The following CSMD1 variants were observed in gnomAD, a reference collection of about 807,000 sequenced individuals.
The protein encoded by CSMD1 is CUB and Sushi multiple domains 1, also known as CUB and sushi domain-containing protein 1.
CSMD1 carries 213 observed loss-of-function variants against 417.5 expected under a neutral mutation model. The observed-to-expected ratio is 0.51, with a 90% CI of 0.46 to 0.57. The LOEUF (loss-of-function observed/expected upper bound fraction) is 0.57. CSMD1 is among the 20% of genes least tolerant of loss of function. CSMD1 has a pLI of 0.00. For missense variants in CSMD1, 6,923 were observed against 4,529.7 expected, an observed-to-expected ratio of 1.53 and a Z score of -15.17; for synonymous variants, 2,862 against 1,736.8, an observed-to-expected ratio of 1.65 and a Z score of -16.11.
chr8:3,408,953 C>T (rs189050671), intron 13 of CSMD1, among the ~76,000 whole-genome samples: 14 of 152,210 alleles, frequency 9.2e-5, no homozygotes, highest in Admixed American at 2.6e-4. Context: ...GACTGTGAAG[C>T]CTTTTCTACT....
intron 2 of CSMD1, among the ~76,000 whole-genome samples, chr8:4,455,605 A>G (rs1384454354): frequency 6.6e-6 from 1 of 152,024 alleles, no homozygotes. Context: ...TTTTTAAATC[A>G]TCTTATTTTC....
At chr8:3,832,644 C>G (rs562670082) in intron 5 of CSMD1, among the ~76,000 whole-genome samples, 1 of 152,070 alleles carries the variant, frequency 6.6e-6, no homozygotes, top group South Asian at 2.1e-4. Flanking sequence ...ATTTCAAGTA[C>G]TTACAACGAA....
chr8:4,926,833 C>G (rs555596622), intron 1 of CSMD1, among the ~76,000 whole-genome samples: 4 of 152,178 alleles, frequency 2.6e-5, no homozygotes, highest in African/African-American at 9.6e-5. Flanking sequence ...CCTAGAACTC[C>G]TCCCTAAATA....
At chr8:3,786,775 T>A (rs904409018) in intron 5 of CSMD1, among the ~76,000 whole-genome samples, 16 of 152,206 alleles carry the variant, frequency 1.1e-4, no homozygotes, top group Admixed American at 1.3e-4. Flanking sequence ...CAGAGGGCTA[T>A]CTTCCCCTTG....
chr8:3,347,865 T>C, intron 22 of CSMD1, 127 bp downstream of exon 22: 1 of 604,842 alleles, frequency 1.7e-6, no homozygotes, highest in Admixed American at 3.7e-5. Flanking sequence ...TGTAAATAAA[T>C]ACAAATAAAT....
At chr8:4,527,010 G>C (rs947025507) in intron 2 of CSMD1, among the ~76,000 whole-genome samples, 9 of 152,216 alleles carry the variant, frequency 5.9e-5, no homozygotes, top group African/African-American at 2.2e-4. Flanking sequence ...AGTCTTTATA[G>C]AGCTATTGAG....
At chr8:4,718,314 G>A (rs907324681) in intron 1 of CSMD1, among the ~76,000 whole-genome samples, 1 of 152,028 alleles carries the variant, frequency 6.6e-6, no homozygotes, top group African/African-American at 2.4e-5. Context: ...CATATATAAC[G>A]ATTTCTTATA....
At chr8:4,650,912 A>C (rs865810688) in intron 1 of CSMD1, among the ~76,000 whole-genome samples, 32 of 152,332 alleles carry the variant, frequency 2.1e-4, no homozygotes, top group African/African-American at 7.5e-4. Flanking sequence ...GGATAATACT[A>C]TTCTTATTTG....
chr8:4,121,821 G>C (rs1802503454), intron 3 of CSMD1, among the ~76,000 whole-genome samples: 1 of 151,860 alleles, frequency 6.6e-6, no homozygotes, highest in Admixed American at 6.6e-5. Flanking sequence ...TTAGTTCCAA[G>C]GCTTTGGGGG....
intron 5 of CSMD1, among the ~76,000 whole-genome samples, chr8:3,973,048 T>C (rs2130100703): frequency 6.6e-6 from 1 of 152,386 alleles, no homozygotes; most frequent in East Asian, 1.9e-4. Context: ...AGATCACAGA[T>C]AAGTGTGCTT....
intron 48 of CSMD1, among the ~76,000 whole-genome samples, chr8:3,088,533 C>T (rs1020015677): frequency 2.0e-5 from 3 of 152,134 alleles, no homozygotes; most frequent in Admixed American, 1.3e-4. Flanking sequence ...TGCCCAGAAG[C>T]AACATCTATG....
At chr8:3,699,754 G>C (rs543685741) in intron 7 of CSMD1, among the ~76,000 whole-genome samples, 2 of 152,150 alleles carry the variant, frequency 1.3e-5, no homozygotes, top group East Asian at 3.8e-4. Flanking sequence ...TGGATGCTCC[G>C]CAACGAGGGA....
chr8:4,672,809 G>C (rs773653306), intron 1 of CSMD1, among the ~76,000 whole-genome samples: 1 of 151,460 alleles, frequency 6.6e-6, no homozygotes, highest in Non-Finnish European at 1.5e-5. Flanking sequence ...CACATGCATG[G>C]TAACAAAACA....
At chr8:4,595,000 T>A (rs1353661071) in intron 2 of CSMD1, among the ~76,000 whole-genome samples, 1 of 152,184 alleles carries the variant, frequency 6.6e-6, no homozygotes. Context: ...ACTAATAAAT[T>A]TTGGGATCTG....
At chr8:3,158,396 G>C (rs141083983) in intron 38 of CSMD1, among the ~76,000 whole-genome samples, 113 of 152,234 alleles carry the variant, frequency 7.4e-4, no homozygotes, top group African/African-American at 2.6e-3. Context: ...TGCTTATGGA[G>C]AGGTAGCTTC....
intron 49 of CSMD1, among the ~76,000 whole-genome samples, chr8:3,072,696 C>T (rs73181789): frequency 0.031 from 4,668 of 152,138 alleles, 125 homozygotes; most frequent in Non-Finnish European, 0.042. Flanking sequence ...GGCAGAGAAA[C>T]GATGCCAAGA....
chr8:4,501,374 C>A (rs1802250990), intron 2 of CSMD1, among the ~76,000 whole-genome samples: 1 of 152,020 alleles, frequency 6.6e-6, no homozygotes, highest in Non-Finnish European at 1.5e-5. Context: ...TTTTATTAGG[C>A]ATCATTTAAA....
In CSMD1 at chr8:4,018,711, T is replaced by G. The variant is rs114029852; in HGVS notation, c.610+13194A>C. ...TAAGTTAGGTTCTTTTAGAAATATT[T>G]ATTTTTCTCTTGAGTTAGAAGAGAA... is the stretch of plus-strand genomic sequence containing the variant. On this transcript the variant is annotated intron_variant, in intron 4 of 69. Transcript: ENST00000635120. Among the ~76,000 whole-genome samples, 952 of 152,298 alleles carry G rather than the reference T, an allele frequency of 6.3e-3. 10 individuals are homozygous for G. The highest frequency in any genetic ancestry group is 0.022 in the African/African-American group (931 of 41,564).
In CSMD1 at chr8:4,332,588, CACACACACACACACACACAG is replaced by C. The variant is rs1238356704; in HGVS notation, c.415+87345_415+87364del. ...ACACACACACACACACACACACACA[CACACACACACACACACACAG>C]AGTCATATGCAGAGACATTCAGATA... On this transcript the variant is annotated intron_variant, in intron 3 of 69. Transcript: ENST00000635120. Among the ~76,000 whole-genome samples the C allele has an allele frequency of 3.5e-3, 483 of 136,862 alleles. 2 individuals are homozygous for C. The highest frequency in any genetic ancestry group is 0.013 in the African/African-American group (462 of 34,404). The allele number at this position is 136,862 out of a possible 152,430, so 89.8% of individuals were successfully genotyped here.
Sources: gnomAD v4.1 joint callset for allele counts (sites outside exome capture counted in the v4.1 genomes callset) on GRCh38, gnomAD v4.1.1 for gene constraint, MANE v1.5 for transcripts, NCBI Gene and HGNC (gene_info 2026-07-23, HGNC 2026-07-21) for gene names.